Variants in CAMK2B observed in about 807,000 individuals in gnomAD.
CAMK2B encodes the protein calcium/calmodulin-dependent protein kinase type II subunit beta.
In CAMK2B, 27 loss-of-function variants were observed where a neutral mutation model predicts 93.7. The ratio of observed to expected loss-of-function variants is 0.29; its 90% CI spans 0.21 to 0.40. The LOEUF is 0.40. CAMK2B is among the 10% of genes least tolerant of loss of function. The pLI is 1.00. For synonymous variants in CAMK2B, 374 were observed against 358.8 expected, an observed-to-expected ratio of 1.04 and a Z score of -0.48; for missense variants, 568 against 895.8, an observed-to-expected ratio of 0.63 and a Z score of 4.67.
At chr7:44,285,797 G>A (rs1170802983) in intron 1 of CAMK2B, among the ~76,000 whole-genome samples, 1 of 137,422 alleles carries the variant, frequency 7.3e-6, no homozygotes, top group African/African-American at 2.6e-5. Context: ...GAGACCCAGC[G>A]GTGGGAGATG....
rs753322147 is a variant in CAMK2B, at chr7:44,226,625, G to A, written c.1488C>T (p.Ile496=). Residue 496 remains isoleucine, a synonymous_variant, in exon 20 of 24, where the codon ATC becomes ATT. Transcript: ENST00000395749. The part of the protein sequence containing the change: ...LSSPSPRISD[I]LNSVRRGSGT... ...CTGAGCCCCTCCTCACAGAGTTCAG[G>A]ATGTCAGAGATCCTGGGGGCTGGGG... is the stretch of plus-strand genomic sequence containing the variant. The A allele has an allele frequency of 2.0e-6, 3 of 1,535,928 alleles. No homozygotes were observed. Among genetic ancestry groups the A allele is most frequent in the East Asian group, 5.3e-5 (2 of 38,072 alleles).
At chr7:44,276,716 G>A (rs759994426) in intron 2 of CAMK2B, among the ~76,000 whole-genome samples, 11 of 152,294 alleles carry the variant, frequency 7.2e-5, no homozygotes, top group Middle Eastern at 3.4e-3. Flanking sequence ...GGTGAGCCTC[G>A]GGCCTGGGAG....
chr7:44,234,801 T>A, intron 13 of CAMK2B, 125 bp from the exon 14 acceptor site: 2 of 1,016,126 alleles, frequency 2.0e-6, no homozygotes, highest in Non-Finnish European at 3.0e-6. Context: ...GAGGCAAGTG[T>A]GGTTCCAGCA....
At chr7:44,276,080 G>T (rs1438318017) in intron 2 of CAMK2B, among the ~76,000 whole-genome samples, 2 of 151,704 alleles carry the variant, frequency 1.3e-5, no homozygotes, top group Admixed American at 6.6e-5. Flanking sequence ...AGCAGAGGAG[G>T]TCTCCCAGCA....
At chr7:44,223,769 C>A (rs865894922) in intron 20 of CAMK2B, among the ~76,000 whole-genome samples, 2 of 152,182 alleles carry the variant, frequency 1.3e-5, no homozygotes, top group Admixed American at 6.5e-5. Context: ...AGCCAGCCCC[C>A]ACTAGGCTGC....
intron 1 of CAMK2B, among the ~76,000 whole-genome samples, chr7:44,293,420 G>T (rs1264568786): frequency 6.6e-6 from 1 of 152,168 alleles, no homozygotes; most frequent in Admixed American, 6.5e-5. Flanking sequence ...TTTCACATGG[G>T]TTAACGTGGT....
chr7:44,239,516 G>A (rs755519510), intron 13 of CAMK2B, 73 bp downstream of exon 13: 21 of 1,359,778 alleles, frequency 1.5e-5, no homozygotes, highest in Non-Finnish European at 2.0e-5. Flanking sequence ...CAGCGGCTGC[G>A]TGCAGCAGGG....
intron 1 of CAMK2B, 94 bp downstream of exon 1, chr7:44,325,263 C>G (rs111242776): frequency 0.47 from 311,655 of 656,390 alleles, 75,603 homozygotes; most frequent in Middle Eastern, 0.51. Context: ...GGCGCGCGGG[C>G]CCGCAGTGCG....
chr7:44,257,499 G>C (rs897382647), intron 4 of CAMK2B, among the ~76,000 whole-genome samples: 6 of 152,192 alleles, frequency 3.9e-5, no homozygotes, highest in African/African-American at 1.2e-4. Flanking sequence ...GGCCACCAAG[G>C]GCCCTGGATC....
At chr7:44,279,222 G>T (rs1378713428) in intron 2 of CAMK2B, among the ~76,000 whole-genome samples, 1 of 152,238 alleles carries the variant, frequency 6.6e-6, no homozygotes, top group African/African-American at 2.4e-5. Context: ...AGGGTCTGGG[G>T]CCCAGATGGA....
chr7:44,277,286 T>C (rs1326543841), intron 2 of CAMK2B, among the ~76,000 whole-genome samples: 1 of 152,210 alleles, frequency 6.6e-6, no homozygotes, highest in Non-Finnish European at 1.5e-5. Context: ...TTAACAGTAG[T>C]TTAATAATCT....
chr7:44,220,719 C>G lies in CAMK2B; in HGVS notation c.1674-9G>C, dbSNP rs1583686960. The G allele has an allele frequency of 6.2e-7, 1 of 1,607,398 alleles. No homozygotes were observed. The highest frequency in any genetic ancestry group is 1.3e-5 in the African/African-American group (1 of 74,946). On this transcript the variant is annotated splice_polypyrimidine_tract_variant and intron_variant, in intron 21 of 23. Coordinates refer to ENST00000395749, the MANE Select transcript of CAMK2B (RefSeq NM_001220.5). Reference sequence around the variant, plus strand: ...CTGGGTCACAGATTTTCCTGGGGGCCAAATCCAAGTGAGGAGGGGCCCCGT... The same window carrying G: ...CTGGGTCACAGATTTTCCTGGGGGCGAAATCCAAGTGAGGAGGGGCCCCGT...
At chr7:44,287,922 G>T (rs1454258726) in intron 1 of CAMK2B, among the ~76,000 whole-genome samples, 1 of 152,240 alleles carries the variant, frequency 6.6e-6, no homozygotes, top group Non-Finnish European at 1.5e-5. Flanking sequence ...TCTATGGGCA[G>T]AGTGCCCTAT....
rs989535696 is a variant in CAMK2B, at chr7:44,312,706, C to T, written c.65+12651G>A. Among the ~76,000 whole-genome samples, 1 of 152,176 alleles carries T rather than the reference C, an allele frequency of 6.6e-6. No homozygotes were observed. Among genetic ancestry groups the T allele is most frequent in the Non-Finnish European group, 1.5e-5 (1 of 68,032 alleles). ...GACAGAGGAGACAGAGAAAGAGTAA[C>T]ACCTCCCGCAAGACAGGCTGTCCTG... is the stretch of plus-strand genomic sequence containing the variant. On this transcript the variant is annotated intron_variant, in intron 1 of 23. Transcript: ENST00000395749. The surrounding 1 kb of genome is among the most constrained non-coding windows in gnomAD (Gnocchi z 4.1).
intron 1 of CAMK2B, among the ~76,000 whole-genome samples, chr7:44,320,683 C>T (rs1795854184): frequency 6.6e-6 from 1 of 152,234 alleles, no homozygotes; most frequent in Non-Finnish European, 1.5e-5. Flanking sequence ...CTAGCATCAC[C>T]TTAATGCACA....
At chr7:44,309,841 GC>G (rs1793019713) in intron 1 of CAMK2B, among the ~76,000 whole-genome samples, 1 of 151,794 alleles carries the variant, frequency 6.6e-6, no homozygotes, top group Non-Finnish European at 1.5e-5. Context: ...GCGTCCGTCC[GC>G]GCAGCCTTGC....
At chr7:44,287,850 C>G (rs905822187) in intron 1 of CAMK2B, among the ~76,000 whole-genome samples, 3 of 152,214 alleles carry the variant, frequency 2.0e-5, no homozygotes, top group Admixed American at 2.0e-4. Context: ...TCCCACGTTC[C>G]TTAGGTTAGT....
chr7:44,260,205 C>A (rs2096868219), intron 3 of CAMK2B, among the ~76,000 whole-genome samples: 1 of 72,246 alleles, frequency 1.4e-5, no homozygotes, highest in African/African-American at 4.0e-5. Flanking sequence ...GCACAAGCAG[C>A]CCCCCTTCCT....
chr7:44,273,328 C>A, intron 2 of CAMK2B, among the ~76,000 whole-genome samples: 1 of 152,206 alleles, frequency 6.6e-6, no homozygotes, highest in Non-Finnish European at 1.5e-5. Context: ...AATAAAATGT[C>A]ATCCACTCAT....
Sources: allele counts gnomAD v4.1 joint callset (sites outside exome capture counted in the v4.1 genomes callset), GRCh38; gene constraint gnomAD v4.1.1; non-coding constraint Gnocchi (gnomAD v3.1); transcripts MANE v1.5; gene names NCBI Gene and HGNC (gene_info 2026-07-23, HGNC 2026-07-21).